Variants in DPP8 observed in about 807,000 individuals in gnomAD.
DPP8 encodes the protein DPP VIII.
Under a neutral mutation model 107.5 loss-of-function variants are expected in DPP8, and 31 were observed. The ratio of observed to expected loss-of-function variants is 0.29; its 90% CI spans 0.22 to 0.39. The LOEUF is 0.39. Among genes scored for constraint, DPP8 ranks in the 10% least tolerant of loss-of-function variants. The pLI, the probability that DPP8 is intolerant of heterozygous loss-of-function variation, is 1.00. For missense variants in DPP8, 842 were observed against 1,076.1 expected (o/e 0.78, Z 3.04); for synonymous variants, 381 against 356.6 (o/e 1.07, Z -0.77).
intron 10 of DPP8, among the ~76,000 whole-genome samples, chr15:65,479,695 T>G (rs1255482055): frequency 6.6e-6 from 1 of 151,242 alleles, no homozygotes; most frequent in African/African-American, 2.4e-5. Context: ...ATACAAAAAA[T>G]TAGCCGGGCG....
At chr15:65,457,755 ACCTTGGGAAGAGGGCGT>A (rs1314863270) in intron 15 of DPP8, among the ~76,000 whole-genome samples, 2 of 152,078 alleles carry the variant, frequency 1.3e-5, no homozygotes, top group African/African-American at 4.8e-5. Flanking sequence ...TCCCATTTCT[ACCTTGGGAAGAGGGCGT>A]TTGGTGAGTA....
chr15:65,514,655 C>T (rs751080733), intron 1 of DPP8, among the ~76,000 whole-genome samples: 2 of 152,130 alleles, frequency 1.3e-5, no homozygotes, highest in Non-Finnish European at 2.9e-5. Context: ...GGATTACAGG[C>T]ACCCGCCATC....
At chr15:65,450,811 A>G (rs2063919781) in intron 19 of DPP8, 188 bp downstream of exon 19, 3 of 498,978 alleles carry the variant, frequency 6.0e-6, no homozygotes, top group Non-Finnish European at 7.0e-6. Context: ...CAGGTATGTC[A>G]GCCTGACTGC....
At chr15:65,493,160 C>T (rs1457707341) in intron 5 of DPP8, among the ~76,000 whole-genome samples, 6 of 151,878 alleles carry the variant, frequency 4.0e-5, no homozygotes, top group Non-Finnish European at 5.9e-5. Flanking sequence ...CTCAGCTCAC[C>T]GCAACCTCCA....
Position 65,452,031 on chromosome 15 carries a change from A to C in DPP8, c.2343T>G (p.Gly781=). The stretch of plus-strand genomic sequence containing the variant: ...AGCCCTGTTCATTCTGGTCAGGGTG[A>C]CCCATATAACGTTCCGTGTATCCTG... The part of the protein sequence containing the change: ...YDTGYTERYM[G]HPDQNEQGYY... The change falls in exon 18 of 20, where the codon GGT becomes GGG. Residue 781 remains glycine (G), a synonymous_variant. Transcript: ENST00000300141. The C allele has an allele frequency of 6.2e-7, 1 of 1,613,050 alleles. No individual in the cohort carries two copies. Among genetic ancestry groups the C allele is most frequent in the Non-Finnish European group, 8.5e-7 (1 of 1,179,702 alleles).
At chr15:65,506,305 G>A (rs2069979714) in intron 3 of DPP8, among the ~76,000 whole-genome samples, 1 of 151,502 alleles carries the variant, frequency 6.6e-6, no homozygotes, top group East Asian at 1.9e-4. Context: ...CTCCAGCCTG[G>A]GCAAGAAGTG....
intron 1 of DPP8, 45 bp from the exon 2 acceptor site, chr15:65,512,609 A>C (rs1248681215): frequency 6.3e-7 from 1 of 1,597,594 alleles, no homozygotes; most frequent in Non-Finnish European, 8.5e-7. Context: ...TCTATCTTCT[A>C]TTATCAGAAT....
At chr15:65,450,933 A>AT in intron 19 of DPP8, 66 bp downstream of exon 19, 1 of 1,027,128 alleles carries the variant, frequency 9.7e-7, no homozygotes, top group Non-Finnish European at 1.5e-6. Flanking sequence ...CCCACAGCTA[A>AT]TAGATTTCAA....
intron 19 of DPP8, among the ~76,000 whole-genome samples, chr15:65,447,271 C>G (rs1291110395): frequency 1.3e-5 from 2 of 152,094 alleles, no homozygotes; most frequent in African/African-American, 4.8e-5. Context: ...TCTCTGAAAC[C>G]TTTTCAAGGG....
intron 11 of DPP8, among the ~76,000 whole-genome samples, chr15:65,475,993 C>G (rs749382897): frequency 1.3e-5 from 2 of 152,208 alleles, no homozygotes; most frequent in Non-Finnish European, 2.9e-5. Context: ...CTCAAACAAT[C>G]TGCCTGCCTC....
chr15:65,498,100 A>G lies in DPP8; in HGVS notation c.547-68T>C, dbSNP rs146114092. 2.9e-3 allele frequency: 3,374 copies of G among 1,181,228 alleles called. 78 individuals carry two copies. In the Admixed American group the frequency reaches 0.048, roughly 17 times the overall value. 73.2% of individuals were successfully genotyped at this position (1,181,228 alleles called of 1,614,324 possible). ...ACATACATGTTCCAGCACCCTTCCT[A>G]TAAGATGAACAATATTTCTAGGTAA... On this transcript the variant is annotated intron_variant, in intron 4 of 19. Coordinates refer to ENST00000300141, the MANE Select transcript of DPP8 (RefSeq NM_130434.5).
At chr15:65,489,579 A>G (rs2067804161) in intron 6 of DPP8, among the ~76,000 whole-genome samples, 1 of 84,914 alleles carries the variant, frequency 1.2e-5, no homozygotes, top group Non-Finnish European at 2.4e-5. Context: ...ATGCCCAGCT[A>G]ATTTTTTTTT....
chr15:65,504,219 C>T (rs116152077), intron 3 of DPP8, among the ~76,000 whole-genome samples: 7,346 of 151,918 alleles, frequency 0.048, 592 homozygotes, highest in African/African-American at 0.17. Context: ...CAAAATCATC[C>T]GGGTGTGGTG....
chr15:65,480,921 C>A (rs528964743), intron 9 of DPP8, among the ~76,000 whole-genome samples: 1 of 152,132 alleles, frequency 6.6e-6, no homozygotes, highest in Admixed American at 6.6e-5. Context: ...CACAGTGAGA[C>A]CTTGTCTCTA....
At chr15:65,475,815 A>G (rs983507456) in intron 11 of DPP8, among the ~76,000 whole-genome samples, 4 of 151,976 alleles carry the variant, frequency 2.6e-5, no homozygotes, top group African/African-American at 9.7e-5. Flanking sequence ...CGGCACCATC[A>G]CAGCTCACTG....
intron 5 of DPP8, among the ~76,000 whole-genome samples, chr15:65,495,422 G>A (rs2068484412): frequency 6.6e-6 from 1 of 151,842 alleles, no homozygotes; most frequent in Admixed American, 6.6e-5. Flanking sequence ...TGGTCAACAT[G>A]GTGAAACCCC....
intron 15 of DPP8, among the ~76,000 whole-genome samples, 169 bp from the exon 16 acceptor site, chr15:65,456,540 G>A (rs576227455): frequency 1.3e-5 from 2 of 152,078 alleles, no homozygotes; most frequent in African/African-American, 4.8e-5. Context: ...TTTGCTTCTT[G>A]CTTAACTTCA....
chr15:65,452,620 T>C lies in DPP8; in HGVS notation c.2272-518A>G, dbSNP rs56224951. 3.1e-3 allele frequency among the ~76,000 whole-genome samples: 465 copies of C among 152,288 alleles called. 1 individual carries two copies. Among genetic ancestry groups the C allele is most frequent in the African/African-American group, 0.011 (448 of 41,562 alleles). ...GGTCAGAATTTATTTATGGTTATTA[T>C]AAAGATTATCTAGATATATGTGCAA... On this transcript the variant is annotated intron_variant, in intron 17 of 19. Transcript: ENST00000300141.
chr15:65,454,144 A>G, intron 17 of DPP8, 119 bp downstream of exon 17: 4 of 831,464 alleles, frequency 4.8e-6, no homozygotes, highest in Non-Finnish European at 6.7e-6. Context: ...CTCAAAAAAA[A>G]AAAAAAAAAA....
Sources: allele counts gnomAD v4.1 joint callset (sites outside exome capture counted in the v4.1 genomes callset), GRCh38; gene constraint gnomAD v4.1.1; transcripts MANE v1.5; gene names NCBI Gene and HGNC (gene_info 2026-07-23, HGNC 2026-07-21).